Variants in TACC2 observed in about 807,000 individuals in gnomAD.
TACC2 encodes the protein transforming acidic coiled-coil-containing protein 2.
TACC2 carries 137 observed loss-of-function variants against 227.3 expected under a neutral mutation model. The observed-to-expected ratio is 0.60, with a 90% CI of 0.52 to 0.69. TACC2 has a LOEUF of 0.69. Ranked by LOEUF, TACC2 falls within the 30% of genes least tolerant of loss-of-function variation. The probability of loss-of-function intolerance (pLI) is 0.00; values close to 1 mark genes in which losing one functional copy is unlikely to be tolerated. For missense variants in TACC2, 3,470 were observed against 3,694.4 expected (o/e 0.94, Z 1.57); for synonymous variants, 1,523 against 1,487.5 (o/e 1.02, Z -0.55).
intron 11 of TACC2, 169 bp downstream of exon 11, chr10:122,216,997 C>T (rs2141145144): frequency 7.3e-7 from 1 of 1,365,560 alleles, no homozygotes; most frequent in East Asian, 2.5e-5. Flanking sequence ...TGTTTGAAAA[C>T]AGCCTGAGAC....
intron 2 of TACC2, among the ~76,000 whole-genome samples, chr10:122,033,518 A>G (rs1210821867): frequency 6.6e-6 from 1 of 152,158 alleles, no homozygotes; most frequent in Non-Finnish European, 1.5e-5. Context: ...GAAGCTGGGA[A>G]TGGGGTGGTG....
chr10:122,057,789 G>A (rs963838203), intron 3 of TACC2, among the ~76,000 whole-genome samples: 1 of 152,124 alleles, frequency 6.6e-6, no homozygotes, highest in African/African-American at 2.4e-5. Flanking sequence ...TCGAGCCATT[G>A]CACTCCAGCC....
At chr10:122,088,133 A>C (rs968485964) in intron 4 of TACC2, among the ~76,000 whole-genome samples, 174 bp downstream of exon 4, 8 of 152,194 alleles carry the variant, frequency 5.3e-5, no homozygotes, top group Admixed American at 4.6e-4. Context: ...GGCTCTGAAA[A>C]ATGTGAGAAC....
intron 7 of TACC2, among the ~76,000 whole-genome samples, chr10:122,179,961 A>G (rs561881176): frequency 6.6e-6 from 1 of 151,906 alleles, no homozygotes; most frequent in African/African-American, 2.4e-5. Flanking sequence ...GCGTGTATCC[A>G]TGGTCCCAGT....
rs540960759 is a variant in TACC2, at chr10:122,092,710, T to C, written c.5573+4119T>C. Among the ~76,000 whole-genome samples the C allele has an allele frequency of 4.6e-5, 7 of 152,316 alleles. No individual in the cohort carries two copies. In the East Asian group the frequency reaches 1.3e-3, roughly 29 times the overall value. ...TACCTCCAGCCACACCTCACACCCA[T>C]GGGGGTCTGTGTGTCCCCCACTCTG... is the stretch of plus-strand genomic sequence containing the variant. On this transcript the variant is annotated intron_variant, in intron 5 of 22. Coordinates refer to ENST00000369005, the MANE Select transcript of TACC2 (RefSeq NM_206862.4).
intron 7 of TACC2, among the ~76,000 whole-genome samples, chr10:122,177,216 G>A (rs1439818382): frequency 6.6e-6 from 1 of 152,136 alleles, no homozygotes; most frequent in Non-Finnish European, 1.5e-5. Flanking sequence ...TTGCATTTTG[G>A]GGTGGTATTG....
chr10:122,195,285 C>T (rs1043009399), intron 8 of TACC2, 109 bp downstream of exon 8: 56 of 978,156 alleles, frequency 5.7e-5, no homozygotes, highest in Non-Finnish European at 7.0e-5. Flanking sequence ...CTGACTCGAC[C>T]TCTTGGCTTT....
At chr10:122,080,851 G>A (rs1269268806) in intron 3 of TACC2, among the ~76,000 whole-genome samples, 1 of 152,154 alleles carries the variant, frequency 6.6e-6, no homozygotes, top group Non-Finnish European at 1.5e-5. Flanking sequence ...CCTCCAGAAC[G>A]CTGTGGGCTT....
intron 7 of TACC2, among the ~76,000 whole-genome samples, chr10:122,189,796 T>C (rs996001663): frequency 3.3e-5 from 5 of 152,224 alleles, no homozygotes; most frequent in African/African-American, 1.2e-4. Context: ...AAGGCTCTTG[T>C]TTGGAGGCAG....
Position 122,085,999 on chromosome 10 carries a change from A to C in TACC2, c.3499A>C (p.Thr1167Pro). The C allele has an allele frequency of 6.2e-7, 1 of 1,613,826 alleles. No individual in the cohort carries two copies. The highest frequency in any genetic ancestry group is 8.5e-7 in the Non-Finnish European group (1 of 1,180,002). The change falls in exon 4 of 23, where the codon ACC becomes CCC. Residue 1167 changes from threonine (T) to proline (P), a missense_variant. Transcript: ENST00000369005. ...CCTCCTTCAGACTGAGCACTGCCTTACCTCCGGGGAGGAAGCTTCTACCTC... is the reference window on the plus strand; with the variant it reads ...CCTCCTTCAGACTGAGCACTGCCTTCCCTCCGGGGAGGAAGCTTCTACCTC... ...CGLLQTEHCL[T>P]SGEEASTSAL...
At chr10:122,068,977 C>T (rs1195590170) in intron 3 of TACC2, among the ~76,000 whole-genome samples, 3 of 143,998 alleles carry the variant, frequency 2.1e-5, no homozygotes, top group African/African-American at 5.2e-5. Context: ...GCATTACAGG[C>T]GTGAGGCACC....
rs1371156233 is a variant in TACC2 at position 122,084,351 on chromosome 10, G to A, written c.1851G>A (p.Lys617=). The A allele has an allele frequency of 6.2e-7, 1 of 1,613,636 alleles. No homozygotes were observed. Among genetic ancestry groups the A allele is most frequent in the East Asian group, 2.2e-5 (1 of 44,890 alleles). Residue 617 remains lysine, a synonymous_variant, in exon 4 of 23, where the codon AAG becomes AAA. Coordinates refer to ENST00000369005, the MANE Select transcript of TACC2 (RefSeq NM_206862.4). The stretch of plus-strand genomic sequence containing the variant: ...AAGTAGGCAAAGATGAGCTTTCAAA[G>A]CCAAGCAGTGATGCAGAGAGCAGAG... ...DPEVGKDELS[K]PSSDAESRDH...
chr10:122,016,273 GAAAA>G (rs67951878), intron 1 of TACC2, among the ~76,000 whole-genome samples: 1 of 122,880 alleles, frequency 8.1e-6, no homozygotes, highest in Non-Finnish European at 1.7e-5. Flanking sequence ...AAAAAAAAAG[GAAAA>G]AAAAAAAAAA....
At chr10:122,095,401 A>C (rs2081269382) in intron 5 of TACC2, among the ~76,000 whole-genome samples, 1 of 152,194 alleles carries the variant, frequency 6.6e-6, no homozygotes, top group African/African-American at 2.4e-5. Flanking sequence ...CGCTGTTAAA[A>C]TTAAATGAGC....
At chr10:122,213,135 C>G (rs2095331489) in intron 9 of TACC2, among the ~76,000 whole-genome samples, 1 of 152,222 alleles carries the variant, frequency 6.6e-6, no homozygotes, top group Non-Finnish European at 1.5e-5. Flanking sequence ...GTGGGTCTGA[C>G]AAAGCTCTTG....
intron 5 of TACC2, among the ~76,000 whole-genome samples, chr10:122,096,271 C>G (rs1307341132): frequency 6.6e-6 from 1 of 152,202 alleles, no homozygotes; most frequent in Non-Finnish European, 1.5e-5. Flanking sequence ...GACCTCACAT[C>G]CAGGCCTGCG....
chr10:122,031,493 CT>C (rs1206136589), intron 2 of TACC2, among the ~76,000 whole-genome samples: 1 of 149,830 alleles, frequency 6.7e-6, no homozygotes, highest in African/African-American at 2.5e-5. Context: ...CAACCTCCAC[CT>C]TCTGGGTTCA....
intron 7 of TACC2, among the ~76,000 whole-genome samples, chr10:122,159,614 C>G (rs1428432743): frequency 6.6e-6 from 1 of 152,156 alleles, no homozygotes; most frequent in Non-Finnish European, 1.5e-5. Context: ...TCAGAGACAG[C>G]CCAGAGCTGG....
intron 21 of TACC2, 101 bp from the exon 22 acceptor site, chr10:122,249,443 G>GGT (rs2096206360): frequency 6.7e-7 from 1 of 1,498,664 alleles, no homozygotes; most frequent in South Asian, 1.3e-5. Flanking sequence ...GGTGGCAGCT[G>GGT]GGGCCAGACC....
Sources: gnomAD v4.1 joint callset for allele counts (sites outside exome capture counted in the v4.1 genomes callset) on GRCh38, gnomAD v4.1.1 for gene constraint, MANE v1.5 for transcripts, NCBI Gene and HGNC (gene_info 2026-07-23, HGNC 2026-07-21) for gene names.